OXNAD1: variants seen among roughly 807,000 people sequenced by gnomAD.
The protein encoded by OXNAD1 is oxidoreductase NAD-binding domain-containing protein 1.
A neutral mutation model predicts 32.9 loss-of-function variants in OXNAD1; 34 were observed. The observed-to-expected ratio is 1.03, with a 90% CI of 0.79 to 1.38. The LOEUF (loss-of-function observed/expected upper bound fraction) is 1.38. Ranked by LOEUF, OXNAD1 falls within the 40% of genes most tolerant of loss-of-function variation. The probability of loss-of-function intolerance (pLI) is 0.00; values close to 1 mark genes in which losing one functional copy is unlikely to be tolerated. For synonymous variants in OXNAD1, 134 were observed against 135.2 expected (o/e 0.99, Z 0.06); for missense variants, 407 against 379.4 (o/e 1.07, Z -0.60).
In OXNAD1 at chr3:16,327,895, T is replaced by C. The variant is rs2069890425; in HGVS notation, c.*31-9217T>C. Among the ~76,000 whole-genome samples the C allele has an allele frequency of 6.6e-6, 1 of 152,184 alleles. No individual in the cohort carries two copies. The highest frequency in any genetic ancestry group is 1.5e-5 in the Non-Finnish European group (1 of 68,018). ...AACAGGCCTCATTTCTTACTACGGG[T>C]TCCTCACTAACACTCAAAGTGTAGC... On this transcript the variant is annotated intron_variant, in intron 9 of 9. Transcript: ENST00000435829. The surrounding 1 kb of genome is among the most constrained non-coding windows in gnomAD (Gnocchi z 4.2).
intron 4 of OXNAD1, among the ~76,000 whole-genome samples, chr3:16,279,182 C>T (rs927920387): frequency 5.3e-5 from 8 of 152,186 alleles, no homozygotes; most frequent in Admixed American, 5.2e-4. Flanking sequence ...CAAAGCAGAG[C>T]AGGTGGAGAG....
At position 16,334,215 on chromosome 3, in the gene OXNAD1, A is replaced by AT. The variant is rs1235436750; in HGVS notation, c.*31-2891dup. ...ACAACAAAAAATACCCTGAGATACT[A>AT]TTTTTTCACCTATTGAACTGGTAAA... On this transcript the variant is annotated intron_variant, in intron 9 of 9. Coordinates refer to the OXNAD1 transcript ENST00000435829. The surrounding 1 kb of genome is among the most constrained non-coding windows in gnomAD (Gnocchi z 4.3). Among the ~76,000 whole-genome samples the AT allele has an allele frequency of 6.6e-6, 1 of 152,026 alleles. No homozygotes were observed. Among genetic ancestry groups the AT allele is most frequent in the South Asian group, 2.1e-4 (1 of 4,820 alleles).
downstream of OXNAD1, among the ~76,000 whole-genome samples, chr3:16,308,622 A>C (rs931530521): frequency 6.6e-6 from 1 of 152,094 alleles, no homozygotes; most frequent in South Asian, 2.1e-4. The surrounding 1 kb of genome is among the most constrained non-coding windows in gnomAD (Gnocchi z 4.4). Context: ...CTTTAATATT[A>C]CTCTTTCTTA....
Position 16,306,076 on chromosome 3 carries a change from A to C in OXNAD1, c.*2514A>C, listed in dbSNP as rs1245004518. The C allele has an allele frequency of 6.6e-6, 1 of 151,912 alleles. No homozygotes were observed. Among genetic ancestry groups the C allele is most frequent in the East Asian group, 1.9e-4 (1 of 5,196 alleles). The allele number at this position is 151,912 out of a possible 1,614,324, so 9.4% of individuals were successfully genotyped here. Reference sequence around the variant, plus strand: ...AGAGTTGATAAGCTGGATTAAAGTGACTTCTTAAGGATCCTCTGGCTCTAT... The same window carrying C: ...AGAGTTGATAAGCTGGATTAAAGTGCCTTCTTAAGGATCCTCTGGCTCTAT... On this transcript the variant is annotated 3_prime_UTR_variant, in exon 9 of 9. Transcript: ENST00000285083.
intron 9 of OXNAD1, chr3:16,326,905 G>T: frequency 1.3e-6 from 2 of 1,566,830 alleles, no homozygotes; most frequent in Non-Finnish European, 1.7e-6. Flanking sequence ...CATTAGGGCT[G>T]CTGCTGCCAC....
At chr3:16,313,724 G>A (rs896871316) in intron 9 of OXNAD1, 1 of 152,158 alleles carries the variant, frequency 6.6e-6, no homozygotes, top group African/African-American at 2.4e-5. Context: ...ACTGGGTCTA[G>A]TTAGCATCCT....
chr3:16,336,675 TA>T lies in OXNAD1; in HGVS notation c.*31-431del, dbSNP rs202103565. Among the ~76,000 whole-genome samples the T allele has an allele frequency of 2.0e-5, 3 of 151,660 alleles. No individual in the cohort carries two copies. The highest frequency in any genetic ancestry group is 7.3e-5 in the African/African-American group (3 of 41,208). The stretch of plus-strand genomic sequence containing the variant: ...TTCAAAGAGAATAATTTTTTTTTTT[TA>T]AAAAAGCTTAGTTCTTAGATGCAGA... On this transcript the variant is annotated intron_variant, in intron 9 of 9. Transcript: ENST00000435829. This position sits in a 1 kb window ranked among gnomAD's most constrained non-coding sequence, Gnocchi z 6.0.
At position 16,316,896 on chromosome 3, in the gene OXNAD1, G is replaced by A; in HGVS notation, c.*30+13304G>A. 1 of 1,614,100 alleles carries A rather than the reference G, an allele frequency of 6.2e-7. No homozygotes were observed. Among genetic ancestry groups the A allele is most frequent in the African/African-American group, 1.3e-5 (1 of 75,018 alleles). On this transcript the variant is annotated intron_variant, in intron 9 of 9. Transcript: ENST00000435829. This position sits in a 1 kb window ranked among gnomAD's most constrained non-coding sequence, Gnocchi z 4.5. The stretch of plus-strand genomic sequence containing the variant: ...TCCCCGTCCCTGGCATCCTCTCCAG[G>A]ATTGGAGTGCCCAGTGCAAATCCCC...
chr3:16,289,115 T>C lies in OXNAD1; in HGVS notation c.290+2667T>C, dbSNP rs925398815. On this transcript the variant is annotated intron_variant, in intron 5 of 8. Transcript: ENST00000285083. The surrounding 1 kb of genome is among the most constrained non-coding windows in gnomAD (Gnocchi z 4.9). The stretch of plus-strand genomic sequence containing the variant: ...TACGTTTTGGGATATTTAAAGTGTT[T>C]AGCATAATGCCTACTGTTAACTTCA... 6.6e-6 allele frequency among the ~76,000 whole-genome samples: 1 copy of C among 152,254 alleles called. No homozygotes were observed. The highest frequency in any genetic ancestry group is 1.5e-5 in the Non-Finnish European group (1 of 68,048).
chr3:16,337,989 A>T (rs1237003400), downstream of OXNAD1, among the ~76,000 whole-genome samples: 1 of 152,052 alleles, frequency 6.6e-6, no homozygotes, highest in Admixed American at 6.6e-5. This position sits in a 1 kb window ranked among gnomAD's most constrained non-coding sequence, Gnocchi z 5.0. Context: ...AGAGATAAAA[A>T]CCCACACTGG....
intron 4 of OXNAD1, among the ~76,000 whole-genome samples, chr3:16,281,345 C>T (rs1023627411): frequency 6.6e-6 from 1 of 152,118 alleles, no homozygotes; most frequent in African/African-American, 2.4e-5. Flanking sequence ...GTTTGTATTT[C>T]AGGTTGAGTA....
chr3:16,282,037 AT>A (rs779324288), intron 4 of OXNAD1, among the ~76,000 whole-genome samples: 5,807 of 95,758 alleles, frequency 0.061, 298 homozygotes, highest in African/African-American at 0.21. Context: ...AATGTTTGTA[AT>A]TTTTTTTTTT....
At position 16,314,258 on chromosome 3, in the gene OXNAD1, C is replaced by T. The variant is rs1254319738; in HGVS notation, c.*30+10666C>T. Among the ~76,000 whole-genome samples, 2 of 152,190 alleles carry T rather than the reference C, an allele frequency of 1.3e-5. No individual in the cohort carries two copies. Among genetic ancestry groups the T allele is most frequent in the Admixed American group, 6.5e-5 (1 of 15,270 alleles). On this transcript the variant is annotated intron_variant, in intron 9 of 9. Transcript: ENST00000435829. The surrounding 1 kb of genome is among the most constrained non-coding windows in gnomAD (Gnocchi z 4.4). Reference sequence around the variant, plus strand: ...TGGCTTTTTACCCTATTGGCAATCACAGGGAACTTAACATTTCCTTCAGAA... The same window carrying T: ...TGGCTTTTTACCCTATTGGCAATCATAGGGAACTTAACATTTCCTTCAGAA...
rs1329633429 is a variant in OXNAD1 at position 16,294,843 on chromosome 3, G to T, written c.291-13G>T. On this transcript the variant is annotated splice_polypyrimidine_tract_variant and intron_variant, in intron 5 of 8. Coordinates refer to ENST00000285083, the MANE Select transcript of OXNAD1 (RefSeq NM_138381.5). ...TGCTTCAACAATAATCATTTATTTG[G>T]CTTTCTTTTTAGGGTTGATTTCTTT... 1.0e-5 allele frequency: 16 copies of T among 1,576,190 alleles called. No individual in the cohort carries two copies. Among genetic ancestry groups the T allele is most frequent in the Middle Eastern group, 1.7e-4 (1 of 5,902 alleles).
chr3:16,285,508 G>A (rs1449961262), intron 4 of OXNAD1, among the ~76,000 whole-genome samples: 1 of 152,144 alleles, frequency 6.6e-6, no homozygotes, highest in African/African-American at 2.4e-5. Context: ...AGGCTTACAG[G>A]ACAAAGAAAC....
rs1169549232 is a variant in OXNAD1 at position 16,322,735 on chromosome 3, T to A, written c.*31-14377T>A. Among the ~76,000 whole-genome samples the A allele has an allele frequency of 6.6e-6, 1 of 152,026 alleles. No homozygotes were observed. The highest frequency in any genetic ancestry group is 1.9e-4 in the East Asian group (1 of 5,180). On this transcript the variant is annotated intron_variant, in intron 9 of 9. Transcript: ENST00000435829. The surrounding 1 kb of genome is among the most constrained non-coding windows in gnomAD (Gnocchi z 6.2). Reference sequence around the variant, plus strand: ...AACCTTCAGGAATCACAGAGAAGACTCTCTGAGAAGGCCAGTCTCTGTGCG... The same window carrying A: ...AACCTTCAGGAATCACAGAGAAGACACTCTGAGAAGGCCAGTCTCTGTGCG...
intron 5 of OXNAD1, among the ~76,000 whole-genome samples, chr3:16,286,938 G>T (rs551349006): frequency 1.3e-5 from 2 of 152,170 alleles, no homozygotes; most frequent in Non-Finnish European, 2.9e-5. Flanking sequence ...GACTGAATTT[G>T]TCTATCATAT....
chr3:16,296,260 G>T (rs1027341912), intron 6 of OXNAD1, among the ~76,000 whole-genome samples: 3 of 146,400 alleles, frequency 2.0e-5, no homozygotes, highest in African/African-American at 7.3e-5. Context: ...CCCAATGTAG[G>T]ACCCTCTTGC....
At chr3:16,339,115 G>T (rs189314358), downstream of OXNAD1, among the ~76,000 whole-genome samples, 73 of 152,310 alleles carry the variant, frequency 4.8e-4, no homozygotes, top group Admixed American at 5.9e-4. Context: ...ACTCACTAAG[G>T]AAGGGATTGG....
Sources: allele counts gnomAD v4.1 joint callset (sites outside exome capture counted in the v4.1 genomes callset), GRCh38; gene constraint gnomAD v4.1.1; non-coding constraint Gnocchi (gnomAD v3.1); transcripts MANE v1.5; gene names NCBI Gene and HGNC (gene_info 2026-07-23, HGNC 2026-07-21).